OLFML2A: variants seen among roughly 807,000 people sequenced by gnomAD.
OLFML2A encodes the protein olfactomedin-like protein 2A.
Under a neutral mutation model 60.9 loss-of-function variants are expected in OLFML2A, and 47 were observed. That is an observed-to-expected ratio of 0.77 (90% CI 0.61 to 0.98). The LOEUF (loss-of-function observed/expected upper bound fraction) is 0.98, where lower values mean the gene tolerates loss of function less well. OLFML2A is among the 50% of genes least tolerant of loss of function. The pLI is 0.00. For missense variants in OLFML2A, 922 were observed against 879.8 expected (o/e 1.05, Z -0.61); for synonymous variants, 372 against 375.0 (o/e 0.99, Z 0.09).
chr9:124,809,773 G>A (rs758696437), intron 7 of OLFML2A, 35 bp from the exon 8 acceptor site: 29 of 1,556,144 alleles, frequency 1.9e-5, no homozygotes, highest in South Asian at 8.6e-5. Context: ...GGGGTTGCTC[G>A]GGAGGTCTGG....
intron 2 of OLFML2A, among the ~76,000 whole-genome samples, chr9:124,794,286 C>A (rs1841622818): frequency 6.6e-6 from 1 of 152,196 alleles, no homozygotes; most frequent in Non-Finnish European, 1.5e-5. Flanking sequence ...GACGTATACT[C>A]CCTGGCACTT....
intron 1 of OLFML2A, among the ~76,000 whole-genome samples, chr9:124,781,096 G>A (rs1450388406): frequency 6.6e-6 from 1 of 152,186 alleles, no homozygotes; most frequent in Non-Finnish European, 1.5e-5. Context: ...TGGAGCAAGA[G>A]TAAAATAGAT....
At chr9:124,786,449 G>A (rs1564281829) in intron 1 of OLFML2A, among the ~76,000 whole-genome samples, 1 of 151,382 alleles carries the variant, frequency 6.6e-6, no homozygotes, top group South Asian at 2.1e-4. Context: ...GGCCGGGCGC[G>A]GTGGCTCACA....
chr9:124,808,588 AG>A (rs764560686), intron 7 of OLFML2A, among the ~76,000 whole-genome samples: 2 of 152,136 alleles, frequency 1.3e-5, no homozygotes, highest in Non-Finnish European at 2.9e-5. Context: ...GGAGCACTGA[AG>A]GGGCTATGGG....
chr9:124,791,756 A>AAAAG (rs1564283732), intron 2 of OLFML2A, among the ~76,000 whole-genome samples: 22 of 151,122 alleles, frequency 1.5e-4, no homozygotes, highest in South Asian at 2.1e-4. Flanking sequence ...AAAAAAAAAA[A>AAAAG]AAAGAAAGAA....
chr9:124,787,230 C>A lies in OLFML2A; in HGVS notation c.346C>A (p.Leu116Ile). The A allele has an allele frequency of 6.2e-7, 1 of 1,613,970 alleles. No individual in the cohort carries two copies. The highest frequency in any genetic ancestry group is 8.5e-7 in the Non-Finnish European group (1 of 1,179,882). Residue 116 changes from leucine (L) to isoleucine (I), a missense_variant, in exon 2 of 8, where the codon CTC becomes ATC. Physicochemically the swap from Leu to Ile is conservative, Grantham distance 5 (BLOSUM62 2). Coordinates refer to ENST00000373580, the MANE Select transcript of OLFML2A (RefSeq NM_182487.4). ...MEKLKKQAPE[L>I]LKLQSMVDLL... is the part of the protein sequence containing the mutation. ...GAAACTCAAAAAGCAGGCGCCCGAG[C>A]TCCTCAAGGTAGACTTGGTGGGGTG...
At chr9:124,781,650 C>A (rs750952739) in intron 1 of OLFML2A, among the ~76,000 whole-genome samples, 11 of 152,116 alleles carry the variant, frequency 7.2e-5, no homozygotes, top group African/African-American at 2.2e-4. Context: ...AAAAATTAGC[C>A]GAGCATGGTG....
At chr9:124,796,750 CA>C (rs1241467265) in intron 3 of OLFML2A, among the ~76,000 whole-genome samples, 1 of 152,130 alleles carries the variant, frequency 6.6e-6, no homozygotes, top group Non-Finnish European at 1.5e-5. Flanking sequence ...AGTTCTCAAC[CA>C]GGGGTGACTT....
intron 2 of OLFML2A, among the ~76,000 whole-genome samples, chr9:124,788,039 G>A (rs1050957928): frequency 1.3e-4 from 20 of 152,030 alleles, no homozygotes; most frequent in East Asian, 2.0e-4. Flanking sequence ...GGTGGCTCAC[G>A]CGTGTAATCT....
Position 124,811,548 on chromosome 9 carries a change from C to G in OLFML2A, c.*1136C>G, listed in dbSNP as rs1319956598. On this transcript the variant is annotated 3_prime_UTR_variant, in exon 8 of 8. Transcript: ENST00000373580. ...CCAGCAGCCTGGGGGCTGCAGAAGA[C>G]ATGGTGTGAGTAGTTGGGTCCAGGG... 1 of 152,612 alleles carries G rather than the reference C, an allele frequency of 6.6e-6. No homozygotes were observed. The allele number at this position is 152,612 out of a possible 1,614,324, so 9.5% of individuals were successfully genotyped here.
At position 124,810,487 on chromosome 9, in the gene OLFML2A, A is replaced by C. The variant is rs1841992115; in HGVS notation, c.*75A>C. ...GCACAGCAGCTCCTGCAACTGACCC[A>C]GTCCGCAAATATTTATTGGGGGCCA... On this transcript the variant is annotated 3_prime_UTR_variant, in exon 8 of 8. Transcript: ENST00000373580. 1 of 1,425,902 alleles carries C rather than the reference A, an allele frequency of 7.0e-7. No individual in the cohort carries two copies. The highest frequency in any genetic ancestry group is 9.3e-7 in the Non-Finnish European group (1 of 1,069,842). The allele number at this position is 1,425,902 out of a possible 1,614,324, so 88.3% of individuals were successfully genotyped here.
intron 6 of OLFML2A, among the ~76,000 whole-genome samples, chr9:124,806,957 A>G (rs927865226): frequency 6.6e-6 from 1 of 151,748 alleles, no homozygotes; most frequent in African/African-American, 2.4e-5. Flanking sequence ...TCTGTTGCCT[A>G]GGTTGGAGTG....
In OLFML2A at chr9:124,792,678, G is replaced by T. The variant is rs994706882; in HGVS notation, c.355-2346G>T. Among the ~76,000 whole-genome samples the T allele has an allele frequency of 7.2e-5, 11 of 152,254 alleles. 1 individual carries two copies. The highest frequency in any genetic ancestry group is 2.6e-4 in the African/African-American group (11 of 41,550). ...AGGGACCCTCGCCAAAGCCAGTGTT[G>T]GTGGCCATGAAGGCAGCAGAGTGAA... On this transcript the variant is annotated intron_variant, in intron 2 of 7. Transcript: ENST00000373580.
At chr9:124,786,071 A>G (rs1228506205) in intron 1 of OLFML2A, among the ~76,000 whole-genome samples, 1 of 152,160 alleles carries the variant, frequency 6.6e-6, no homozygotes, top group African/African-American at 2.4e-5. Context: ...CTATGATCCC[A>G]CCACTGCATT....
At chr9:124,806,088 AAGAAC>A (rs1841892534) in intron 6 of OLFML2A, among the ~76,000 whole-genome samples, 2 of 151,924 alleles carry the variant, frequency 1.3e-5, no homozygotes, top group Non-Finnish European at 2.9e-5. Context: ...AAGAGAATAA[AAGAAC>A]AGAAGAAAAT....
At position 124,801,511 on chromosome 9, in the gene OLFML2A, T is replaced by C; in HGVS notation, c.767T>C (p.Leu256Pro). ...CTCCCAAAACCTCCCAAGGAGAAGC[T>C]GCTTCAGGTGGAGAAGCTGAGAAAG... ...RGLPKPPKEK[L>P]LQVEKLRKES... Residue 256 changes from leucine (L) to proline (P), a missense_variant, in exon 5 of 8, where the codon CTG (leucine) becomes CCG (proline). Leu to Pro is a moderately conservative substitution (Grantham distance 98, BLOSUM62 -3). Transcript: ENST00000373580. 6.2e-7 allele frequency: 1 copy of C among 1,614,158 alleles called. No individual in the cohort carries two copies. The highest frequency in any genetic ancestry group is 8.5e-7 in the Non-Finnish European group (1 of 1,180,032).
intron 7 of OLFML2A, among the ~76,000 whole-genome samples, chr9:124,808,763 T>C (rs1315188472): frequency 1.3e-5 from 2 of 151,638 alleles, no homozygotes; most frequent in East Asian, 3.9e-4. Flanking sequence ...CGTGATGGCC[T>C]GGGGTAGGGG....
Position 124,810,307 on chromosome 9 carries a change from C to G in OLFML2A, c.1854C>G (p.Asn618Lys), listed in dbSNP as rs757514051. The change falls in exon 8 of 8, where the codon AAC becomes AAG. Residue 618 changes from asparagine to lysine, a missense_variant. Coordinates refer to ENST00000373580, the MANE Select transcript of OLFML2A (RefSeq NM_182487.4). ...CACGCCCCCAGCTGCCGTTCCTCAA[C>G]GAGCACGCCTACACCACCCAGATCG... The part of the protein sequence containing the change: ...TDARPQLPFL[N>K]EHAYTTQIDY... The G allele has an allele frequency of 6.2e-7, 1 of 1,608,200 alleles. No individual in the cohort carries two copies. The highest frequency in any genetic ancestry group is 2.2e-5 in the East Asian group (1 of 44,886).
At chr9:124,791,932 T>C (rs943331388) in intron 2 of OLFML2A, among the ~76,000 whole-genome samples, 1 of 152,176 alleles carries the variant, frequency 6.6e-6, no homozygotes, top group Non-Finnish European at 1.5e-5. Context: ...GAACCTGTGC[T>C]GCTCAGCAGA....
Sources: allele counts gnomAD v4.1 joint callset (sites outside exome capture counted in the v4.1 genomes callset), GRCh38; gene constraint gnomAD v4.1.1; transcripts MANE v1.5; gene names NCBI Gene and HGNC (gene_info 2026-07-23, HGNC 2026-07-21).